Variants in ERMP1 observed in about 807,000 individuals in gnomAD.
The protein encoded by ERMP1 is Felix-ina.
Under a neutral mutation model 92.0 loss-of-function variants are expected in ERMP1, and 86 were observed. The ratio of observed to expected loss-of-function variants is 0.93; its 90% CI spans 0.79 to 1.12. ERMP1 has a LOEUF of 1.12. Ranked by LOEUF, ERMP1 falls within the 50% of genes most tolerant of loss-of-function variation. ERMP1 has a pLI of 0.00. For synonymous variants in ERMP1, 530 were observed against 412.8 expected, an observed-to-expected ratio of 1.28 and a Z score of -3.44; for missense variants, 1,342 against 1,116.3, an observed-to-expected ratio of 1.20 and a Z score of -2.88.
chr9:5,821,570 G>C (rs989805512), intron 4 of ERMP1, among the ~76,000 whole-genome samples: 3 of 151,994 alleles, frequency 2.0e-5, no homozygotes, highest in Admixed American at 6.6e-5. Context: ...ACTAGCCCTT[G>C]GTAAGTGTTT....
intron 6 of ERMP1, among the ~76,000 whole-genome samples, chr9:5,857,917 T>C (rs937661645): frequency 3.3e-5 from 5 of 152,208 alleles, no homozygotes; most frequent in African/African-American, 9.6e-5. Context: ...GGGCTCACAG[T>C]CCAGAAAGAA....
At chr9:5,831,085 G>T in intron 1 of ERMP1, 57 bp from the exon 2 acceptor site, 2 of 1,451,548 alleles carry the variant, frequency 1.4e-6, no homozygotes, top group Non-Finnish European at 9.4e-7. Context: ...ACTTAGCGTG[G>T]GTAACTTTTC....
At chr9:5,819,228 A>G (rs1829434418) in intron 4 of ERMP1, among the ~76,000 whole-genome samples, 1 of 152,226 alleles carries the variant, frequency 6.6e-6, no homozygotes, top group African/African-American at 2.4e-5. Flanking sequence ...TGGGTTAGTC[A>G]GCCATTAAAA....
chr9:5,804,041 T>A (rs1189551592), intron 10 of ERMP1, among the ~76,000 whole-genome samples: 1 of 152,176 alleles, frequency 6.6e-6, no homozygotes, highest in Non-Finnish European at 1.5e-5. Context: ...CTGCTGTCTT[T>A]AGAACCTAAC....
In ERMP1 at chr9:5,821,894, T is replaced by C. The variant is rs534152801; in HGVS notation, c.874+2002A>G. Among the ~76,000 whole-genome samples, 13 of 152,338 alleles carry C rather than the reference T, an allele frequency of 8.5e-5. No individual in the cohort carries two copies. The South Asian group carries it at 2.7e-3, about 32-fold the overall frequency. On this transcript the variant is annotated intron_variant, in intron 4 of 14. Transcript: ENST00000339450. ...GTGTCCTCTCTCCTTCAGAATTTTC[T>C]TTTGCTGCTTTTTGATCTGGTGGTT...
rs534981334 is a variant in ERMP1, at chr9:5,815,192, A to C, written c.875-2157T>G. ...CAAAAAGGTCTACAAACCCCAAACA[A>C]GATAAATATAAAGAAAAACTGTATC... is the stretch of plus-strand genomic sequence containing the variant. On this transcript the variant is annotated intron_variant, in intron 4 of 14. Transcript: ENST00000339450. Among the ~76,000 whole-genome samples the C allele has an allele frequency of 2.6e-5, 4 of 152,300 alleles. No individual in the cohort carries two copies. In the South Asian group the frequency reaches 8.3e-4, roughly 32 times the overall value.
chr9:5,843,363 A>T (rs184789690), intron 6 of ERMP1, among the ~76,000 whole-genome samples: 2 of 152,358 alleles, frequency 1.3e-5, no homozygotes, highest in African/African-American at 4.8e-5. Context: ...TAAAAAGAGA[A>T]GAACATTTTG....
intron 13 of ERMP1, among the ~76,000 whole-genome samples, chr9:5,788,927 T>C (rs1190953832): frequency 6.6e-6 from 1 of 151,878 alleles, no homozygotes; most frequent in Non-Finnish European, 1.5e-5. Flanking sequence ...ACAGAATAGA[T>C]TCAAAGGAAA....
chr9:5,856,461 GC>G (rs1830375139), intron 6 of ERMP1: 1 of 170,198 alleles, frequency 5.9e-6, no homozygotes, highest in Non-Finnish European at 1.3e-5. Context: ...CAAAGGCGCA[GC>G]CAAGACGACC....
At chr9:5,834,094 C>G (rs977882305), upstream of ERMP1, among the ~76,000 whole-genome samples, 6 of 152,136 alleles carry the variant, frequency 3.9e-5, no homozygotes, top group African/African-American at 1.4e-4. Flanking sequence ...CTGCTCTTGC[C>G]CACCTCTCAG....
intron 4 of ERMP1, among the ~76,000 whole-genome samples, chr9:5,822,745 T>C (rs1829586898): frequency 6.6e-6 from 1 of 152,190 alleles, no homozygotes; most frequent in Admixed American, 6.5e-5. Context: ...CAATGTCAAA[T>C]TTTAGTATGC....
chr9:5,811,103 ATACT>A lies in ERMP1; in HGVS notation c.1327+4_1327+7del, dbSNP rs759372495. 6.3e-7 allele frequency: 1 copy of A among 1,592,282 alleles called. No individual in the cohort carries two copies. Among genetic ancestry groups the A allele is most frequent in the East Asian group, 2.2e-5 (1 of 44,774 alleles). The stretch of plus-strand genomic sequence containing the variant: ...CCAGTATTTGTAGTTTTAGAGGAAA[ATACT>A]TACTCTTATGTTTGGGCTGCAAAAA... On this transcript the variant is annotated splice_donor_5th_base_variant and intron_variant, in intron 7 of 14. Transcript: ENST00000339450.
At chr9:5,787,400 A>G (rs768101532) in intron 14 of ERMP1, 30 bp downstream of exon 14, 6 of 1,608,912 alleles carry the variant, frequency 3.7e-6, no homozygotes, top group Non-Finnish European at 5.1e-6. Context: ...AACCTAATCA[A>G]TGAAACAAAC....
chr9:5,840,103 G>A (rs963283210), intron 6 of ERMP1, among the ~76,000 whole-genome samples: 6 of 152,152 alleles, frequency 3.9e-5, no homozygotes, highest in African/African-American at 1.4e-4. Context: ...TTAACCAGGC[G>A]TGGTGGCGCA....
intron 13 of ERMP1, among the ~76,000 whole-genome samples, chr9:5,788,182 G>A (rs1047971398): frequency 1.3e-5 from 2 of 152,174 alleles, no homozygotes; most frequent in Admixed American, 6.5e-5. Context: ...TAAAGACAGA[G>A]AATACCCACA....
intron 6 of ERMP1, among the ~76,000 whole-genome samples, chr9:5,854,260 C>A (rs1035450589): frequency 6.6e-6 from 1 of 151,954 alleles, no homozygotes; most frequent in African/African-American, 2.4e-5. Flanking sequence ...CAGTACTAGT[C>A]AGGCTGAATC....
intron 4 of ERMP1, among the ~76,000 whole-genome samples, chr9:5,814,500 T>G (rs970897264): frequency 1.3e-5 from 2 of 152,160 alleles, no homozygotes; most frequent in African/African-American, 4.8e-5. Context: ...CCCAGCACTT[T>G]AGGAGGCCGA....
At chr9:5,849,738 G>A (rs1416856945) in intron 6 of ERMP1, among the ~76,000 whole-genome samples, 2 of 152,178 alleles carry the variant, frequency 1.3e-5, no homozygotes, top group Non-Finnish European at 2.9e-5. Flanking sequence ...AAATTACTCT[G>A]TTCTAGCACA....
chr9:5,848,335 G>C (rs1015378923), intron 6 of ERMP1, among the ~76,000 whole-genome samples: 1 of 152,168 alleles, frequency 6.6e-6, no homozygotes, highest in Non-Finnish European at 1.5e-5. Context: ...ACGAGATGCA[G>C]ACAGCCTCCT....
Sources: gnomAD v4.1 joint callset for allele counts (sites outside exome capture counted in the v4.1 genomes callset) on GRCh38, gnomAD v4.1.1 for gene constraint, MANE v1.5 for transcripts, NCBI Gene and HGNC (gene_info 2026-07-23, HGNC 2026-07-21) for gene names.